Variants in PTPRD observed in about 807,000 individuals in gnomAD.
PTPRD encodes protein tyrosine phosphatase receptor type D.
In PTPRD, 34 loss-of-function variants were observed where a neutral mutation model predicts 214.5. The ratio of observed to expected loss-of-function variants is 0.16; its 90% confidence interval spans 0.12 to 0.21. The LOEUF (loss-of-function observed/expected upper bound fraction) is 0.21. Ranked by LOEUF, PTPRD falls within the 10% of genes least tolerant of loss-of-function variation. The probability of loss-of-function intolerance (pLI) is 1.00; values close to 1 mark genes in which losing one functional copy is unlikely to be tolerated. For missense variants in PTPRD, 2,545 were observed against 2,398.7 expected (o/e 1.06, Z -1.27); for synonymous variants, 1,128 against 845.7 (o/e 1.33, Z -5.79).
In PTPRD at chr9:8,766,057, G is replaced by A. The variant is rs560784115; in HGVS notation, c.-103-32111C>T. ...CAGGGACTGTCTTTAAGGCCCTCTT[G>A]GTGGATAGTCATTGGTAGTGTCCAT... On this transcript the variant is annotated intron_variant, in intron 11 of 45. Transcript: ENST00000381196. 3.9e-5 allele frequency among the ~76,000 whole-genome samples: 6 copies of A among 152,058 alleles called. No individual in the cohort carries two copies. The East Asian group carries it at 5.8e-4, about 15-fold the overall frequency.
intron 3 of PTPRD, among the ~76,000 whole-genome samples, chr9:10,143,071 C>T (rs1302296354): frequency 2.0e-5 from 3 of 151,766 alleles, no homozygotes; most frequent in East Asian, 3.9e-4. Context: ...GGGAATTGAA[C>T]AATGAGAAAA....
At chr9:10,001,235 G>C (rs2096304680) in intron 4 of PTPRD, among the ~76,000 whole-genome samples, 1 of 152,070 alleles carries the variant, frequency 6.6e-6, no homozygotes, top group South Asian at 2.1e-4. Flanking sequence ...AGAGCAGAAA[G>C]ATAAAGAATA....
chr9:8,602,427 A>T (rs915963485), intron 14 of PTPRD, among the ~76,000 whole-genome samples: 1 of 152,224 alleles, frequency 6.6e-6, no homozygotes, highest in Non-Finnish European at 1.5e-5. Context: ...TTGCCACATG[A>T]TATAAACTTA....
rs530262335 is a variant in PTPRD at position 9,701,885 on chromosome 9, G to A, written c.-287+32648C>T. On this transcript the variant is annotated intron_variant, in intron 7 of 45. Coordinates refer to ENST00000381196, the MANE Select transcript of PTPRD (RefSeq NM_002839.4). ...TGTAATCCCAGCATTTTGGGAGGCC[G>A]AGGCGGGTGGACCACCTGAGGTCAG... Among the ~76,000 whole-genome samples, 9 of 152,246 alleles carry A rather than the reference G, an allele frequency of 5.9e-5. No homozygotes were observed. In the South Asian group the frequency reaches 1.2e-3, roughly 21 times the overall value.
chr9:10,491,109 C>T (rs183920604), intron 2 of PTPRD, among the ~76,000 whole-genome samples: 16 of 152,146 alleles, frequency 1.1e-4, no homozygotes, highest in Admixed American at 2.6e-4. Flanking sequence ...TATACCTGGC[C>T]GCTATAAGCA....
rs114457423 is a variant in PTPRD at position 9,149,233 on chromosome 9, G to A, written c.-143+34071C>T. On this transcript the variant is annotated intron_variant, in intron 10 of 45. Coordinates refer to ENST00000381196, the MANE Select transcript of PTPRD (RefSeq NM_002839.4). ...TATCTACCTCGTAGCCTTACTGCAA[G>A]GATGACATGAGATAATCCACATAAG... Among the ~76,000 whole-genome samples, 959 of 152,262 alleles carry A rather than the reference G, an allele frequency of 6.3e-3. 12 individuals carry two copies. Among genetic ancestry groups the A allele is most frequent in the African/African-American group, 0.021 (887 of 41,540 alleles).
intron 8 of PTPRD, among the ~76,000 whole-genome samples, chr9:9,544,247 G>A (rs984261143): frequency 9.2e-5 from 14 of 151,538 alleles, no homozygotes; most frequent in Non-Finnish European, 1.6e-4. Flanking sequence ...AATGTGAAAA[G>A]CAAGTATTAA....
intron 9 of PTPRD, among the ~76,000 whole-genome samples, chr9:9,387,557 C>T (rs969843550): frequency 6.6e-6 from 1 of 152,124 alleles, no homozygotes; most frequent in Non-Finnish European, 1.5e-5. Context: ...ATTCCCTCCT[C>T]TGCTTTTATT....
At chr9:8,997,949 C>A (rs2099403258) in intron 11 of PTPRD, among the ~76,000 whole-genome samples, 1 of 152,048 alleles carries the variant, frequency 6.6e-6, no homozygotes, top group South Asian at 2.1e-4. Context: ...CTAATCCAGA[C>A]CACAGCCCTA....
At chr9:8,681,478 T>A (rs1024486729) in intron 12 of PTPRD, among the ~76,000 whole-genome samples, 2 of 152,214 alleles carry the variant, frequency 1.3e-5, no homozygotes, top group Non-Finnish European at 2.9e-5. Flanking sequence ...AATTCTGTTA[T>A]TCCCAGCCTT....
At chr9:10,099,706 T>C (rs1159976122) in intron 3 of PTPRD, among the ~76,000 whole-genome samples, 2 of 151,722 alleles carry the variant, frequency 1.3e-5, no homozygotes, top group East Asian at 3.9e-4. Context: ...TTTTTCGCTA[T>C]CATCGTATGT....
At chr9:8,453,811 T>G (rs2096065389) in intron 33 of PTPRD, among the ~76,000 whole-genome samples, 1 of 152,178 alleles carries the variant, frequency 6.6e-6, no homozygotes, top group African/African-American at 2.4e-5. Flanking sequence ...TTCCGTCAAG[T>G]TCCCTGGTGG....
At chr9:8,389,484 G>T in intron 36 of PTPRD, 77 bp from the exon 37 acceptor site, 1 of 1,104,534 alleles carries the variant, frequency 9.1e-7, no homozygotes, top group Non-Finnish European at 1.3e-6. Context: ...CCTAATGGCA[G>T]TGCTATCTTA....
intron 39 of PTPRD, among the ~76,000 whole-genome samples, chr9:8,371,278 C>T (rs965531017): frequency 6.6e-6 from 1 of 151,978 alleles, no homozygotes; most frequent in African/African-American, 2.4e-5. Flanking sequence ...ATCAGTCCAG[C>T]CTTGAAACTC....
At chr9:8,718,833 G>C (rs578239315) in intron 12 of PTPRD, among the ~76,000 whole-genome samples, 1 of 152,090 alleles carries the variant, frequency 6.6e-6, no homozygotes, top group African/African-American at 2.4e-5. Flanking sequence ...CCACAAAAGC[G>C]TTTCAGTTTG....
intron 9 of PTPRD, among the ~76,000 whole-genome samples, chr9:9,370,983 G>GT (rs1475549634): frequency 6.6e-6 from 1 of 152,144 alleles, no homozygotes; most frequent in African/African-American, 2.4e-5. Context: ...TGGTGGATAA[G>GT]TTTTTTGATG....
At chr9:8,548,521 C>G (rs111332455) in intron 14 of PTPRD, among the ~76,000 whole-genome samples, 1 of 151,702 alleles carries the variant, frequency 6.6e-6, no homozygotes, top group Non-Finnish European at 1.5e-5. Flanking sequence ...GCACGCACCA[C>G]CAAACCTGGC....
At chr9:10,500,188 T>C (rs1036573848) in intron 2 of PTPRD, among the ~76,000 whole-genome samples, 5 of 151,896 alleles carry the variant, frequency 3.3e-5, no homozygotes, top group Non-Finnish European at 2.9e-5. Context: ...TTACATTTGG[T>C]TCTTGCAAGC....
intron 3 of PTPRD, among the ~76,000 whole-genome samples, chr9:10,194,644 A>T (rs2099390237): frequency 6.9e-6 from 1 of 144,906 alleles, no homozygotes; most frequent in Admixed American, 7.3e-5. Flanking sequence ...TATTTCTCCT[A>T]TGTAAAACTA....
Sources: allele counts gnomAD v4.1 joint callset (sites outside exome capture counted in the v4.1 genomes callset), GRCh38; gene constraint gnomAD v4.1.1; transcripts MANE v1.5; gene names NCBI Gene and HGNC (gene_info 2026-07-23, HGNC 2026-07-21).